Variants in RALGPS1 observed in about 807,000 individuals in gnomAD.
The protein encoded by RALGPS1 is ras-specific guanine nucleotide-releasing factor RalGPS1.
In RALGPS1, 19 loss-of-function variants were observed where a neutral mutation model predicts 78.8. The observed-to-expected ratio is 0.24, with a 90% CI of 0.17 to 0.35. The LOEUF (loss-of-function observed/expected upper bound fraction) is 0.35, where lower values mean the gene tolerates loss of function less well. Among genes scored for constraint, RALGPS1 ranks in the 10% least tolerant of loss-of-function variants. The pLI is 1.00. For missense variants in RALGPS1, 454 were observed against 688.3 expected (o/e 0.66, Z 3.81); for synonymous variants, 228 against 256.3 (o/e 0.89, Z 1.06).
intron 11 of RALGPS1, among the ~76,000 whole-genome samples, chr9:127,187,702 C>A (rs934422151): frequency 2.0e-5 from 3 of 152,176 alleles, no homozygotes; most frequent in African/African-American, 7.2e-5. Flanking sequence ...TAATCCCTCG[C>A]GCATGGCTGC....
intron 4 of RALGPS1, among the ~76,000 whole-genome samples, chr9:126,982,116 G>A (rs2041298114): frequency 6.6e-6 from 1 of 152,192 alleles, no homozygotes. Context: ...AAGCCAGCAA[G>A]GACTTTTGTG....
intron 1 of RALGPS1, among the ~76,000 whole-genome samples, chr9:126,961,973 C>T (rs893387172): frequency 3.9e-5 from 6 of 152,144 alleles, no homozygotes; most frequent in African/African-American, 1.2e-4. Context: ...CCAGAAAAGT[C>T]AGAAATGCAG....
At chr9:127,089,196 A>ATTC in intron 8 of RALGPS1, 3 of 1,583,218 alleles carry the variant, frequency 1.9e-6, no homozygotes, top group Non-Finnish European at 2.6e-6. Context: ...ACTTGCGTCC[A>ATTC]TAGTGCTCAG....
At chr9:127,192,986 G>A (rs1036375605) in intron 11 of RALGPS1, among the ~76,000 whole-genome samples, 3 of 152,238 alleles carry the variant, frequency 2.0e-5, no homozygotes, top group African/African-American at 7.2e-5. Context: ...TGTGTCATTA[G>A]GTACAGAAGT....
chr9:127,021,979 T>C (rs762514457), intron 4 of RALGPS1, among the ~76,000 whole-genome samples: 19 of 152,110 alleles, frequency 1.2e-4, no homozygotes, highest in South Asian at 4.2e-4. Flanking sequence ...TGACCCTAAG[T>C]CTGTATGTTT....
chr9:127,050,507 C>T (rs1564486049), intron 6 of RALGPS1, among the ~76,000 whole-genome samples: 1 of 152,192 alleles, frequency 6.6e-6, no homozygotes, highest in South Asian at 2.1e-4. Flanking sequence ...TTTTAGTTAG[C>T]ATCAATGCTC....
intron 1 of RALGPS1, among the ~76,000 whole-genome samples, chr9:126,950,040 A>G (rs2037664415): frequency 6.6e-6 from 1 of 151,568 alleles, no homozygotes; most frequent in African/African-American, 2.4e-5. Context: ...ATGGCTAGCC[A>G]GTTTTCCCAG....
intron 7 of RALGPS1, among the ~76,000 whole-genome samples, chr9:127,068,817 T>C (rs1044409040): frequency 1.2e-4 from 19 of 152,212 alleles, no homozygotes; most frequent in Non-Finnish European, 2.2e-4. Flanking sequence ...TATTTATATA[T>C]GTTTTTAGTT....
At chr9:126,991,129 A>G (rs1459149115) in intron 4 of RALGPS1, among the ~76,000 whole-genome samples, 1 of 152,182 alleles carries the variant, frequency 6.6e-6, no homozygotes, top group East Asian at 1.9e-4. Flanking sequence ...CTGAGTTCAC[A>G]TTTGTTATTT....
At chr9:126,982,674 A>T (rs759527190) in intron 4 of RALGPS1, among the ~76,000 whole-genome samples, 2 of 151,924 alleles carry the variant, frequency 1.3e-5, no homozygotes, top group Non-Finnish European at 2.9e-5. Context: ...CTTGCTCTAG[A>T]TACATGCCTT....
At chr9:127,198,823 A>C (rs1359387726) in intron 13 of RALGPS1, among the ~76,000 whole-genome samples, 192 bp from the exon 14 acceptor site, 1 of 152,182 alleles carries the variant, frequency 6.6e-6, no homozygotes, top group Non-Finnish European at 1.5e-5. Context: ...TGCCTGGAAC[A>C]GTGGTTCTTT....
chr9:127,025,544 T>C (rs1052459498), intron 4 of RALGPS1, among the ~76,000 whole-genome samples: 1 of 152,236 alleles, frequency 6.6e-6, no homozygotes. Flanking sequence ...TTGTCACTTA[T>C]GTGTGCTTTT....
chr9:127,094,707 C>G (rs766468850), intron 8 of RALGPS1, among the ~76,000 whole-genome samples: 1 of 152,230 alleles, frequency 6.6e-6, no homozygotes, highest in Non-Finnish European at 1.5e-5. Flanking sequence ...TTGGCACTCA[C>G]GCATTCTGAG....
chr9:127,052,709 C>T (rs931811456), intron 6 of RALGPS1, 138 bp from the exon 7 acceptor site: 12 of 636,672 alleles, frequency 1.9e-5, no homozygotes, highest in African/African-American at 1.8e-4. Flanking sequence ...TCTATGAAAT[C>T]CTTAGAACTA....
intron 3 of RALGPS1, among the ~76,000 whole-genome samples, chr9:126,973,965 C>T (rs2040364831): frequency 1.3e-5 from 2 of 152,134 alleles, no homozygotes; most frequent in Admixed American, 6.5e-5. Context: ...CCACTCCTCT[C>T]GGGTTCAAGC....
intron 1 of RALGPS1, among the ~76,000 whole-genome samples, chr9:126,940,315 G>A (rs537636574): frequency 6.6e-6 from 1 of 152,204 alleles, no homozygotes; most frequent in South Asian, 2.1e-4. Flanking sequence ...ACCTATGATT[G>A]AAAGTCCAAG....
At chr9:127,095,943 G>A (rs1052968510) in intron 8 of RALGPS1, among the ~76,000 whole-genome samples, 5 of 152,118 alleles carry the variant, frequency 3.3e-5, no homozygotes, top group African/African-American at 1.2e-4. Flanking sequence ...GTATTGCCCC[G>A]ATAAGAAAGA....
intron 1 of RALGPS1, among the ~76,000 whole-genome samples, chr9:126,956,471 A>G (rs2038350237): frequency 6.6e-6 from 1 of 152,206 alleles, no homozygotes; most frequent in Non-Finnish European, 1.5e-5. Flanking sequence ...GGGGCGAGAC[A>G]TGCCGGAGTC....
rs185623506 is a variant in RALGPS1, at chr9:127,009,819, C to G, written c.217-24612C>G. 4.6e-3 allele frequency among the ~76,000 whole-genome samples: 702 copies of G among 152,272 alleles called. 3 individuals carry two copies. The highest frequency in any genetic ancestry group is 0.02 in the Middle Eastern group (6 of 294). On this transcript the variant is annotated intron_variant, in intron 4 of 18. Transcript: ENST00000259351. ...AGTACTGTCTTAGCCTCTGCCCTTCCCACTTTCTTGAAGGTTTAGCCCACA... is the reference window on the plus strand; with the variant it reads ...AGTACTGTCTTAGCCTCTGCCCTTCGCACTTTCTTGAAGGTTTAGCCCACA...
Sources: gnomAD v4.1 joint callset for allele counts (sites outside exome capture counted in the v4.1 genomes callset) on GRCh38, gnomAD v4.1.1 for gene constraint, MANE v1.5 for transcripts, NCBI Gene and HGNC (gene_info 2026-07-23, HGNC 2026-07-21) for gene names.